The following PTPN4 variants were observed in gnomAD, a reference collection of about 807,000 sequenced individuals.
PTPN4 encodes tyrosine-protein phosphatase non-receptor type 4.
Under a neutral mutation model 135.5 loss-of-function variants are expected in PTPN4, and 49 were observed. That is an observed-to-expected ratio of 0.36 (90% CI 0.29 to 0.46). The LOEUF is 0.46. Ranked by LOEUF, PTPN4 falls within the 20% of genes least tolerant of loss-of-function variation. The pLI is 1.00. For missense variants in PTPN4, 860 were observed against 1,101.0 expected, an observed-to-expected ratio of 0.78 and a Z score of 3.10; for synonymous variants, 333 against 369.9, an observed-to-expected ratio of 0.90 and a Z score of 1.14.
Position 119,885,899 on chromosome 2 carries a change from T to G in PTPN4, c.675+17T>G, listed in dbSNP as rs1483412655. On this transcript the variant is annotated intron_variant, in intron 9 of 26. Coordinates refer to ENST00000263708, the MANE Select transcript of PTPN4 (RefSeq NM_002830.4). ...TATGCAAGGGTAAGTGAAGAAAACT[T>G]ACTTTGATGTTGTTGAGTTAGGCTC... The G allele has an allele frequency of 2.7e-6, 4 of 1,508,906 alleles. No individual in the cohort carries two copies. In the African/African-American group the frequency reaches 5.7e-5, roughly 21 times the overall value. The allele number at this position is 1,508,906 out of a possible 1,614,324, so 93.5% of individuals were successfully genotyped here. A position where few individuals can be genotyped will look rare whatever the true frequency, so the allele number is the denominator to read the frequency against.
At chr2:119,782,548 G>C (rs1466409013) in intron 1 of PTPN4, among the ~76,000 whole-genome samples, 2 of 152,078 alleles carry the variant, frequency 1.3e-5, no homozygotes, top group African/African-American at 2.4e-5. Flanking sequence ...TCATTTTACA[G>C]ATGAGGAAGT....
chr2:119,820,526 G>C (rs1677050522), intron 2 of PTPN4, among the ~76,000 whole-genome samples: 1 of 152,170 alleles, frequency 6.6e-6, no homozygotes, highest in African/African-American at 2.4e-5. Context: ...AGGAAGCCCT[G>C]GTGGGAAGAC....
chr2:119,806,806 A>C (rs574210559), intron 1 of PTPN4, among the ~76,000 whole-genome samples: 24 of 152,296 alleles, frequency 1.6e-4, no homozygotes, highest in East Asian at 1.9e-4. Flanking sequence ...CACCACATCC[A>C]AAATTGACCA....
At position 119,926,673 on chromosome 2, in the gene PTPN4, C is replaced by A; in HGVS notation, c.1070+7C>A. 1.3e-6 allele frequency: 2 copies of A among 1,581,662 alleles called. No individual in the cohort carries two copies. The highest frequency in any genetic ancestry group is 1.2e-5 in the South Asian group (1 of 85,774). On this transcript the variant is annotated splice_region_variant and intron_variant, in intron 13 of 26. Coordinates refer to ENST00000263708, the MANE Select transcript of PTPN4 (RefSeq NM_002830.4). ...AAGACAGGGTATTTGCAAGGTAAGC[C>A]AAATCTGTTTCATTGTTTGAATTTT...
intron 3 of PTPN4, among the ~76,000 whole-genome samples, chr2:119,871,394 A>G (rs1182232867): frequency 6.6e-6 from 1 of 152,028 alleles, no homozygotes; most frequent in East Asian, 1.9e-4. Context: ...CTCATAAGAG[A>G]ATAGTTGAAT....
intron 2 of PTPN4, among the ~76,000 whole-genome samples, chr2:119,830,318 A>G (rs1574356941): frequency 1.3e-5 from 2 of 152,016 alleles, no homozygotes; most frequent in Non-Finnish European, 2.9e-5. Context: ...CCCAAATCTC[A>G]TGTCAGATTG....
At chr2:119,932,371 G>C in intron 13 of PTPN4, 53 bp from the exon 14 acceptor site, 1 of 1,458,174 alleles carries the variant, frequency 6.9e-7, no homozygotes, top group East Asian at 2.5e-5. Flanking sequence ...TTGATTCATG[G>C]TTTGGGGTAT....
Position 119,789,980 on chromosome 2 carries a change from G to A in PTPN4, c.-17-19857G>A, listed in dbSNP as rs1300025618. Among the ~76,000 whole-genome samples, 5 of 151,870 alleles carry A rather than the reference G, an allele frequency of 3.3e-5. No homozygotes were observed. The East Asian group carries it at 5.8e-4, about 18-fold the overall frequency. ...TGACCTCAAGTGATCCTCCTGCCTC[G>A]GCCTTTCAAAGTGCTGGGATTACAG... is the stretch of plus-strand genomic sequence containing the variant. On this transcript the variant is annotated intron_variant, in intron 1 of 26. Coordinates refer to ENST00000263708, the MANE Select transcript of PTPN4 (RefSeq NM_002830.4).
In PTPN4 at chr2:119,836,872, C is replaced by T. The variant is rs139833687; in HGVS notation, c.139-25664C>T. ...GCCTCGGCCCCCTCTGGACTTTGGGCGCTGATGAGCACAGGAGGGAGGCCT... is the reference window on the plus strand; with the variant it reads ...GCCTCGGCCCCCTCTGGACTTTGGGTGCTGATGAGCACAGGAGGGAGGCCT... On this transcript the variant is annotated intron_variant, in intron 2 of 26. Transcript: ENST00000263708. Among the ~76,000 whole-genome samples, 16 of 152,322 alleles carry T rather than the reference C, an allele frequency of 1.1e-4. No homozygotes were observed. The East Asian group carries it at 1.5e-3, about 15-fold the overall frequency.
chr2:119,800,180 TGTA>T (rs1271421606), intron 1 of PTPN4, among the ~76,000 whole-genome samples: 1 of 152,152 alleles, frequency 6.6e-6, no homozygotes, highest in South Asian at 2.1e-4. Context: ...ACCTCCCACT[TGTA>T]GTAAGATATT....
intron 1 of PTPN4, chr2:119,791,285 A>G (rs939822492): frequency 6.6e-6 from 1 of 152,132 alleles, no homozygotes; most frequent in Non-Finnish European, 1.5e-5. Context: ...ATGTGCCACT[A>G]TGCCCAGCTA....
chr2:119,901,247 A>G (rs916832420), intron 10 of PTPN4, among the ~76,000 whole-genome samples: 2 of 152,210 alleles, frequency 1.3e-5, no homozygotes, highest in East Asian at 1.9e-4. Context: ...GGCACAGACC[A>G]CTAAACCACT....
chr2:119,902,589 T>A (rs1205220299), intron 10 of PTPN4, among the ~76,000 whole-genome samples: 4 of 151,966 alleles, frequency 2.6e-5, no homozygotes, highest in African/African-American at 9.7e-5. Context: ...AAACACACAA[T>A]GAATAGGACA....
intron 2 of PTPN4, 47 bp from the exon 3 acceptor site, chr2:119,862,489 G>A (rs1677775051): frequency 1.3e-6 from 2 of 1,510,986 alleles, no homozygotes; most frequent in Middle Eastern, 1.7e-4. Flanking sequence ...TGTGAAGAAT[G>A]TAACCTATCA....
chr2:119,861,259 C>T (rs950914751), intron 2 of PTPN4, among the ~76,000 whole-genome samples: 4 of 152,018 alleles, frequency 2.6e-5, no homozygotes, highest in African/African-American at 4.8e-5. Flanking sequence ...AGAACTCACT[C>T]GCTCCCTTGA....
intron 26 of PTPN4, among the ~76,000 whole-genome samples, chr2:119,973,437 C>G (rs1050846478): frequency 1.3e-5 from 2 of 152,060 alleles, no homozygotes; most frequent in Non-Finnish European, 2.9e-5. Flanking sequence ...AATAATGCTG[C>G]TAAGAATATG....
In PTPN4 at chr2:119,877,500, T is replaced by A; in HGVS notation, c.326T>A (p.Phe109Tyr). 6.2e-7 allele frequency: 1 copy of A among 1,610,626 alleles called. No individual in the cohort carries two copies. Among genetic ancestry groups the A allele is most frequent in the Non-Finnish European group, 8.5e-7 (1 of 1,178,916 alleles). ...SPYSLNFRVK[F>Y]FVSDPNKLQE... ...TACAGTTTGAACTTTAGAGTCAAATTTTTTGTAAGTGACCCCAACAAGTTA... is the reference window on the plus strand; with the variant it reads ...TACAGTTTGAACTTTAGAGTCAAATATTTTGTAAGTGACCCCAACAAGTTA... The change falls in exon 5 of 27, where the codon TTT becomes TAT. Residue 109 changes from phenylalanine to tyrosine, a missense_variant. By Grantham distance (22) the Phe-to-Tyr change is conservative. Transcript: ENST00000263708.
chr2:119,884,649 G>A (rs975614445), intron 8 of PTPN4, among the ~76,000 whole-genome samples: 2 of 152,084 alleles, frequency 1.3e-5, no homozygotes, highest in African/African-American at 4.8e-5. Flanking sequence ...TACCGATAAT[G>A]AAAAGACTCT....
At chr2:119,801,385 G>A (rs1341616068) in intron 1 of PTPN4, among the ~76,000 whole-genome samples, 1 of 152,046 alleles carries the variant, frequency 6.6e-6, no homozygotes, top group Non-Finnish European at 1.5e-5. Context: ...ACTGCGCCTG[G>A]CCTTCCATAT....
Sources: allele counts gnomAD v4.1 joint callset (sites outside exome capture counted in the v4.1 genomes callset), GRCh38; gene constraint gnomAD v4.1.1; transcripts MANE v1.5; gene names NCBI Gene and HGNC (gene_info 2026-07-23, HGNC 2026-07-21).